The following PXDNL variants were observed in gnomAD, a reference collection of about 807,000 sequenced individuals.
The protein encoded by PXDNL is peroxidasin like.
In PXDNL, 145 loss-of-function variants were observed where a neutral mutation model predicts 150.8. The ratio of observed to expected loss-of-function variants is 0.96; its 90% CI spans 0.84 to 1.10. PXDNL has a LOEUF of 1.10. Ranked by LOEUF, PXDNL falls within the 50% of genes least tolerant of loss-of-function variation. The probability of loss-of-function intolerance (pLI) is 0.00; values close to 1 mark genes in which losing one functional copy is unlikely to be tolerated. For missense variants in PXDNL, 2,087 were observed against 1,873.9 expected (o/e 1.11, Z -2.10); for synonymous variants, 757 against 725.7 (o/e 1.04, Z -0.69).
At chr8:51,399,747 A>G (rs183674902) in intron 17 of PXDNL, among the ~76,000 whole-genome samples, 1 of 152,262 alleles carries the variant, frequency 6.6e-6, no homozygotes, top group South Asian at 2.1e-4. Context: ...CATGATGTTA[A>G]CTGAAAATTT....
chr8:51,717,076 C>T (rs528789027), intron 1 of PXDNL, among the ~76,000 whole-genome samples: 18 of 152,232 alleles, frequency 1.2e-4, no homozygotes, highest in South Asian at 4.1e-4. Flanking sequence ...ACAGTGACAA[C>T]GTTTGTGCTT....
intron 1 of PXDNL, among the ~76,000 whole-genome samples, chr8:51,773,757 AC>A (rs920089159): frequency 6.6e-6 from 1 of 152,250 alleles, no homozygotes; most frequent in Non-Finnish European, 1.5e-5. Flanking sequence ...TCAAACTTTC[AC>A]ATTGAAAAGT....
chr8:51,702,629 G>T (rs1267777518), intron 1 of PXDNL, among the ~76,000 whole-genome samples: 3 of 152,054 alleles, frequency 2.0e-5, no homozygotes, highest in East Asian at 3.8e-4. Flanking sequence ...CTTAAGCGGG[G>T]TGCCTCAATC....
At chr8:51,763,258 C>T (rs1301289145) in intron 1 of PXDNL, among the ~76,000 whole-genome samples, 4 of 151,132 alleles carry the variant, frequency 2.6e-5, no homozygotes, top group South Asian at 2.1e-4. Context: ...TCCATGTTGT[C>T]GTGCATGTAT....
intron 8 of PXDNL, among the ~76,000 whole-genome samples, chr8:51,466,985 G>A (rs968561018): frequency 5.3e-5 from 8 of 152,124 alleles, no homozygotes; most frequent in African/African-American, 1.7e-4. Context: ...GCAGTTTGAA[G>A]ATTTCTCAAA....
intron 1 of PXDNL, among the ~76,000 whole-genome samples, chr8:51,770,309 C>G (rs1201793864): frequency 2.0e-5 from 3 of 152,218 alleles, no homozygotes; most frequent in African/African-American, 7.2e-5. Context: ...ACACACCATT[C>G]TTTCAACAAG....
chr8:51,583,119 G>T (rs562505251), intron 3 of PXDNL, among the ~76,000 whole-genome samples: 5 of 152,212 alleles, frequency 3.3e-5, no homozygotes, highest in African/African-American at 1.2e-4. Flanking sequence ...TAAGAACAAG[G>T]TGCCAAAATA....
intron 3 of PXDNL, among the ~76,000 whole-genome samples, chr8:51,567,863 C>T (rs182857973): frequency 1.3e-5 from 2 of 151,698 alleles, no homozygotes; most frequent in African/African-American, 4.8e-5. Context: ...ACTGATAATA[C>T]CTAATACAAT....
At chr8:51,730,466 C>T (rs1401344923) in intron 1 of PXDNL, among the ~76,000 whole-genome samples, 1 of 152,128 alleles carries the variant, frequency 6.6e-6, no homozygotes, top group African/African-American at 2.4e-5. Flanking sequence ...AGAAAACCCC[C>T]AAGTAATCTC....
chr8:51,422,232 A>G (rs907228801), intron 14 of PXDNL, among the ~76,000 whole-genome samples: 1 of 152,112 alleles, frequency 6.6e-6, no homozygotes, highest in Non-Finnish European at 1.5e-5. Flanking sequence ...TAATTATTTC[A>G]TTATATGTTA....
rs1815542896 is a variant in PXDNL, at chr8:51,673,490, GAAGA to G, written c.165-18734_165-18731del. 3.9e-5 allele frequency among the ~76,000 whole-genome samples: 6 copies of G among 152,100 alleles called. 1 individual carries two copies. The highest frequency in any genetic ancestry group is 2.6e-4 in the Admixed American group (4 of 15,282). On this transcript the variant is annotated intron_variant, in intron 1 of 22. Coordinates refer to ENST00000356297, the MANE Select transcript of PXDNL (RefSeq NM_144651.5). ...TTATAGGCTTCCTCCAAAAAGATAA[GAAGA>G]AAGATCAGAAGCTGTAGAGAGACAG...
intron 17 of PXDNL, among the ~76,000 whole-genome samples, chr8:51,400,338 T>A (rs550560958): frequency 1.3e-5 from 2 of 152,328 alleles, no homozygotes; most frequent in Admixed American, 1.3e-4. Context: ...AGGATGGAAT[T>A]TTCCACTTGT....
At chr8:51,634,088 T>C (rs1814550570) in intron 2 of PXDNL, among the ~76,000 whole-genome samples, 1 of 152,180 alleles carries the variant, frequency 6.6e-6, no homozygotes, top group African/African-American at 2.4e-5. Context: ...TCCTAGGTTT[T>C]CTAGGATTTT....
chr8:51,651,083 A>AT (rs1381327836), intron 2 of PXDNL, among the ~76,000 whole-genome samples: 1 of 152,246 alleles, frequency 6.6e-6, no homozygotes, highest in Non-Finnish European at 1.5e-5. Context: ...ATTGCATTTT[A>AT]TCTACTAGCA....
intron 1 of PXDNL, among the ~76,000 whole-genome samples, chr8:51,748,435 C>A (rs1384467864): frequency 3.3e-5 from 5 of 152,102 alleles, no homozygotes; most frequent in Admixed American, 6.6e-5. Flanking sequence ...AGACGGTGAG[C>A]AGCTCAAACC....
Position 51,319,864 on chromosome 8 carries a change from T to C in PXDNL, c.*27A>G. ...TGTCTCTTCCTGAGAAATTTCCCAT[T>C]TGGGGCTCAACAGCACAAAACTTTT... is the stretch of plus-strand genomic sequence containing the variant. On this transcript the variant is annotated 3_prime_UTR_variant, in exon 23 of 23. Transcript: ENST00000356297. 1 of 1,454,672 alleles carries C rather than the reference T, an allele frequency of 6.9e-7. No individual in the cohort carries two copies. Among genetic ancestry groups the C allele is most frequent in the South Asian group, 1.5e-5 (1 of 64,964 alleles). The allele number at this position is 1,454,672 out of a possible 1,614,324, so 90.1% of individuals were successfully genotyped here.
intron 1 of PXDNL, among the ~76,000 whole-genome samples, chr8:51,739,894 A>T (rs2036885745): frequency 7.2e-6 from 1 of 139,260 alleles, no homozygotes; most frequent in East Asian, 2.2e-4. Context: ...AAAAAAATCA[A>T]TTTTATTTCT....
intron 4 of PXDNL, among the ~76,000 whole-genome samples, chr8:51,524,468 A>G (rs1811727996): frequency 1.3e-5 from 2 of 152,160 alleles, no homozygotes; most frequent in Non-Finnish European, 1.5e-5. Context: ...GCTTTCAAAA[A>G]CCACTTCCTA....
At chr8:51,780,532 C>A (rs1393803045) in intron 1 of PXDNL, among the ~76,000 whole-genome samples, 2 of 71,960 alleles carry the variant, frequency 2.8e-5, no homozygotes, top group Non-Finnish European at 1.2e-4. Flanking sequence ...TCAGTTTGGG[C>A]TGCTGTAATA....
Sources: allele counts gnomAD v4.1 joint callset (sites outside exome capture counted in the v4.1 genomes callset), GRCh38; gene constraint gnomAD v4.1.1; transcripts MANE v1.5; gene names NCBI Gene and HGNC (gene_info 2026-07-23, HGNC 2026-07-21).